FBXO44: variants seen among roughly 807,000 people sequenced by gnomAD.
The protein encoded by FBXO44 is F-box only protein 44.
Under a neutral mutation model 33.5 loss-of-function variants are expected in FBXO44, and 25 were observed. The ratio of observed to expected loss-of-function variants is 0.75; its 90% CI spans 0.54 to 1.04. The LOEUF (loss-of-function observed/expected upper bound fraction) is 1.04, where lower values mean the gene tolerates loss of function less well. Ranked by LOEUF, FBXO44 falls within the 50% of genes least tolerant of loss-of-function variation. FBXO44 has a pLI of 0.00. For synonymous variants in FBXO44, 147 were observed against 152.8 expected (o/e 0.96, Z 0.28); for missense variants, 311 against 344.0 (o/e 0.90, Z 0.76).
intron 5 of FBXO44, among the ~76,000 whole-genome samples, 155 bp downstream of exon 5, chr1:11,659,026 G>T (rs1375234895): frequency 6.6e-6 from 1 of 152,230 alleles, no homozygotes; most frequent in Non-Finnish European, 1.5e-5. Context: ...TGGGTATATA[G>T]TGTTTCCCTC....
At position 11,658,581 on chromosome 1, in the gene FBXO44, GGAGGAGCTGATGGATACCACACGGCC is replaced by G; in HGVS notation, c.443_468del (p.Glu148GlyfsTer111). The G allele has an allele frequency of 6.2e-7, 1 of 1,613,622 alleles. No homozygotes were observed. The highest frequency in any genetic ancestry group is 1.1e-5 in the South Asian group (1 of 91,064). On this transcript the variant is annotated frameshift_variant, in exon 4 of 6. Transcript: ENST00000251547. LOFTEE classifies it high-confidence loss of function. ...TGGACCTCAAGGCCGAAGGGTATTG[GGAGGAGCTGATGGATACCACACGGCC>G]GGACATCGAGGTCAAGGACTGGTGA...
chr1:11,656,884 C>T (rs936657217), intron 2 of FBXO44, among the ~76,000 whole-genome samples: 1 of 152,170 alleles, frequency 6.6e-6, no homozygotes, highest in Non-Finnish European at 1.5e-5. Context: ...TTTTGTTGGC[C>T]TAGTTTCTAG....
rs964318654 is a variant in FBXO44, at chr1:11,662,642, G to A, written c.*1369G>A. Reference sequence around the variant, plus strand: ...GCCAACAGCTTTACGGACATTGGATGAAGCCGAAGCATTTAGAATGGTGCC... The same window carrying A: ...GCCAACAGCTTTACGGACATTGGATAAAGCCGAAGCATTTAGAATGGTGCC... On this transcript the variant is annotated 3_prime_UTR_variant, in exon 6 of 6. Coordinates refer to ENST00000251547, the MANE Select transcript of FBXO44 (RefSeq NM_033182.7). 6.6e-6 allele frequency: 1 copy of A among 152,270 alleles called. No individual in the cohort carries two copies. The highest frequency in any genetic ancestry group is 2.4e-5 in the African/African-American group (1 of 41,456). The allele number at this position is 152,270 out of a possible 1,614,324, so 9.4% of individuals were successfully genotyped here. A position where few individuals can be genotyped will look rare whatever the true frequency, so the allele number is the denominator to read the frequency against.
chr1:11,654,846 GGCGGGGCCTGGCGGGCCGGGGCGGGGCCT>G (rs1639654604), upstream of FBXO44: 1 of 136,144 alleles, frequency 7.3e-6, no homozygotes, highest in Admixed American at 7.4e-5. Context: ...GGGGCGCGGG[GGCGGGGCCTGGCGGGCCGGGGCGGGGCCT>G]CGCTTTCCAG....
intron 2 of FBXO44, among the ~76,000 whole-genome samples, 192 bp from the exon 3 acceptor site, chr1:11,658,075 A>T (rs1220482375): frequency 6.6e-6 from 1 of 152,112 alleles, no homozygotes; most frequent in Admixed American, 6.5e-5. Flanking sequence ...GCCCCCAGGG[A>T]AGTCACCTCC....
Position 11,662,720 on chromosome 1 carries a change from T to G in FBXO44, c.*1447T>G, listed in dbSNP as rs1389583161. 6.6e-6 allele frequency: 1 copy of G among 152,246 alleles called. No homozygotes were observed. Among genetic ancestry groups the G allele is most frequent in the Non-Finnish European group, 1.5e-5 (1 of 68,066 alleles). 9.4% of individuals were successfully genotyped at this position (152,246 alleles called of 1,614,324 possible). A position where few individuals can be genotyped will look rare whatever the true frequency, so the allele number is the denominator to read the frequency against. On this transcript the variant is annotated 3_prime_UTR_variant, in exon 6 of 6. Coordinates refer to ENST00000251547, the MANE Select transcript of FBXO44 (RefSeq NM_033182.7). ...TAAGCTTTGTGTCCCCACCCACATC[T>G]CATCTTGAATGGTAATCCTGGGTGT...
intron 2 of FBXO44, among the ~76,000 whole-genome samples, chr1:11,657,960 C>T (rs1419615311): frequency 2.6e-5 from 4 of 151,710 alleles, no homozygotes; most frequent in Admixed American, 6.6e-5. Context: ...GTCAGACAAC[C>T]GAGTACTGGT....
In FBXO44 at chr1:11,661,176, G is replaced by A; in HGVS notation, c.671G>A (p.Trp224Ter). 1 of 1,614,064 alleles carries A rather than the reference G, an allele frequency of 6.2e-7. No homozygotes were observed. Among genetic ancestry groups the A allele is most frequent in the African/African-American group, 1.3e-5 (1 of 75,034 alleles). ...TACCCGCCCGGCGTCCGCTACATCT[G>A]GTTTCAGCACGGCGGCGTGGACACT... ...SNYPPGVRYI[W>*]FQHGGVDTHY... Residue 224 changes from tryptophan to a stop codon, truncating the protein, a stop_gained, in exon 6 of 6, where the codon TGG becomes TAG. Transcript: ENST00000251547. LOFTEE classifies it high-confidence loss of function. The surrounding 1 kb of genome is among the most constrained non-coding windows in gnomAD (Gnocchi z 4.4).
At chr1:11,654,853 C>T (rs1185686288), upstream of FBXO44, 1 of 122,654 alleles carries the variant, frequency 8.2e-6, no homozygotes, top group Admixed American at 8.3e-5. Context: ...GGGGGCGGGG[C>T]CTGGCGGGCC....
intron 5 of FBXO44, 136 bp from the exon 6 acceptor site, chr1:11,660,994 A>G: frequency 1.2e-6 from 1 of 858,814 alleles, no homozygotes; most frequent in Non-Finnish European, 1.8e-6. Flanking sequence ...TTGCGACAAG[A>G]CTAGTTGCAA....
rs199859446 is a variant in FBXO44 at position 11,661,214 on chromosome 1, G to A, written c.709G>A (p.Gly237Ser). The change falls in exon 6 of 6, where the codon GGC (glycine) becomes AGC (serine). Residue 237 changes from glycine to serine, a missense_variant. Transcript: ENST00000251547. The surrounding 1 kb of genome is among the most constrained non-coding windows in gnomAD (Gnocchi z 4.4). ...CGGCGTGGACACTCATTACTGGGCC[G>A]GCTGGTACGGCCCGAGGGTCACCAA... ...HGGVDTHYWA[G>S]WYGPRVTNSS... is the part of the protein sequence containing the mutation. 1.8e-4 allele frequency: 292 copies of A among 1,614,102 alleles called. 3 individuals are homozygous for A. In the East Asian group the frequency reaches 4.4e-3, roughly 25 times the overall value.
chr1:11,660,897 G>A (rs1640138407), intron 5 of FBXO44, among the ~76,000 whole-genome samples: 1 of 152,072 alleles, frequency 6.6e-6, no homozygotes, highest in Non-Finnish European at 1.5e-5. Flanking sequence ...CTGTACTCCT[G>A]CCTCAGCCTG....
chr1:11,658,006 A>T lies in FBXO44; in HGVS notation c.266-261A>T, dbSNP rs142839212. 4.4e-4 allele frequency among the ~76,000 whole-genome samples: 67 copies of T among 152,330 alleles called. 1 individual carries two copies. The East Asian group carries it at 8.5e-3, about 19-fold the overall frequency. On this transcript the variant is annotated intron_variant, in intron 2 of 5. Coordinates refer to ENST00000251547, the MANE Select transcript of FBXO44 (RefSeq NM_033182.7). Reference sequence around the variant, plus strand: ...CTAGACCCAGGTCTGTCTGGCCCACATCAGAGCGTTCTCCATCACAGAAGA... The same window carrying T: ...CTAGACCCAGGTCTGTCTGGCCCACTTCAGAGCGTTCTCCATCACAGAAGA...
rs765281884 is a variant in FBXO44 at position 11,662,211 on chromosome 1, CTT to C, written c.*939_*940del. On this transcript the variant is annotated 3_prime_UTR_variant, in exon 6 of 6. Transcript: ENST00000251547. ...AGCCAACCACCCTTGGAACTTGCCT[CTT>C]GTCCTGCTGGAAAGATAGCAGTGTT... The C allele has an allele frequency of 6.6e-6, 1 of 152,102 alleles. No individual in the cohort carries two copies. The highest frequency in any genetic ancestry group is 1.9e-4 in the East Asian group (1 of 5,168). The allele number at this position is 152,102 out of a possible 1,614,324, so 9.4% of individuals were successfully genotyped here. A position where few individuals can be genotyped will look rare whatever the true frequency, so the allele number is the denominator to read the frequency against.
Position 11,656,069 on chromosome 1 carries a change from C to G in FBXO44, c.234C>G (p.His78Gln). Residue 78 changes from histidine (H) to glutamine (Q), a missense_variant, in exon 2 of 6, where the codon CAC becomes CAG. Transcript: ENST00000251547. Reference protein sequence around the residue: ...WKIFYFLRSLHRNLLHNPCAE... With the variant: ...WKIFYFLRSLQRNLLHNPCAE... ...TCTTCTACTTCTTACGGAGCCTGCACAGGAACCTCCTGCACAACCCGTGCG... is the reference window on the plus strand; with the variant it reads ...TCTTCTACTTCTTACGGAGCCTGCAGAGGAACCTCCTGCACAACCCGTGCG... 1 of 1,614,146 alleles carries G rather than the reference C, an allele frequency of 6.2e-7. No individual in the cohort carries two copies. Among genetic ancestry groups the G allele is most frequent in the African/African-American group, 1.3e-5 (1 of 75,052 alleles).
At chr1:11,654,826 G>GGCGGAGC (rs1553164390), upstream of FBXO44, 2 of 144,448 alleles carry the variant, frequency 1.4e-5, no homozygotes, top group East Asian at 4.2e-4. Context: ...CGCTGCGCGG[G>GGCGGAGC]GCGGGGCGCG....
chr1:11,656,110 A>T lies in FBXO44; in HGVS notation c.265+10A>T. The T allele has an allele frequency of 1.2e-6, 2 of 1,612,134 alleles. No individual in the cohort carries two copies. On this transcript the variant is annotated intron_variant, in intron 2 of 5. Transcript: ENST00000251547. ...AACCCGTGCGCTGAAGGTGGGGTACAGGCCGGGTCTGGCATGCCTCCAGTA... is the reference window on the plus strand; with the variant it reads ...AACCCGTGCGCTGAAGGTGGGGTACTGGCCGGGTCTGGCATGCCTCCAGTA...
chr1:11,656,311 CTTTTT>C (rs34347559), intron 2 of FBXO44, among the ~76,000 whole-genome samples: 2 of 93,874 alleles, frequency 2.1e-5, no homozygotes, highest in Non-Finnish European at 4.0e-5. Context: ...TTACTATACT[CTTTTT>C]TTTTTTTTTT....
At position 11,658,879 on chromosome 1, in the gene FBXO44, G is replaced by A. The variant is rs1452283135; in HGVS notation, c.624+8G>A. 1.2e-6 allele frequency: 2 copies of A among 1,604,268 alleles called. No homozygotes were observed. The highest frequency in any genetic ancestry group is 1.7e-6 in the Non-Finnish European group (2 of 1,179,894). ...GATGCCAAGTGGAGGGAGGTGCGTG[G>A]GCCTGGGGGACGGGGGCAGAGGCAG... is the stretch of plus-strand genomic sequence containing the variant. On this transcript the variant is annotated splice_region_variant and intron_variant, in intron 5 of 5. Transcript: ENST00000251547.
Sources: gnomAD v4.1 joint callset for allele counts (sites outside exome capture counted in the v4.1 genomes callset) on GRCh38, gnomAD v4.1.1 for gene constraint, Gnocchi (gnomAD v3.1) non-coding constraint, MANE v1.5 for transcripts, NCBI Gene and HGNC (gene_info 2026-07-23, HGNC 2026-07-21) for gene names.